MOB2: variants seen among roughly 807,000 people sequenced by gnomAD.
MOB2 encodes MOB2 Mps One Binder homolog.
A neutral mutation model predicts 27.4 loss-of-function variants in MOB2; 14 were observed. The observed-to-expected ratio is 0.51, with a 90% CI of 0.34 to 0.80. The LOEUF (loss-of-function observed/expected upper bound fraction) is 0.80, where lower values mean the gene tolerates loss of function less well. Among genes scored for constraint, MOB2 ranks in the 30% least tolerant of loss-of-function variants. The probability of loss-of-function intolerance (pLI) is 0.01; values close to 1 mark genes in which losing one functional copy is unlikely to be tolerated. For synonymous variants in MOB2, 167 were observed against 151.8 expected (o/e 1.10, Z -0.74); for missense variants, 304 against 354.6 (o/e 0.86, Z 1.15).
intron 3 of MOB2, among the ~76,000 whole-genome samples, chr11:1,478,858 C>T (rs1211745583): frequency 6.6e-6 from 1 of 152,232 alleles, no homozygotes; most frequent in Non-Finnish European, 1.5e-5. Flanking sequence ...AGAGCCCTCA[C>T]ACGACCCAGG....
chr11:1,484,606 C>T (rs1309423920), intron 1 of MOB2, among the ~76,000 whole-genome samples: 2 of 152,118 alleles, frequency 1.3e-5, no homozygotes, highest in African/African-American at 4.8e-5. Flanking sequence ...CTCCTGTCAC[C>T]CCAACATGCA....
intron 4 of MOB2, among the ~76,000 whole-genome samples, 163 bp from the exon 5 acceptor site, chr11:1,470,651 G>A (rs998163600): frequency 2.6e-5 from 4 of 152,210 alleles, no homozygotes; most frequent in African/African-American, 9.6e-5. Context: ...CTGCCCATCA[G>A]CAGGCACCAC....
At chr11:1,472,174 C>T (rs1847801095) in intron 3 of MOB2, 1 of 143,050 alleles carries the variant, frequency 7.0e-6, no homozygotes, top group Admixed American at 7.1e-5. Context: ...CCCAGCACAA[C>T]ACCAAAACCC....
chr11:1,484,355 C>T (rs993486669), intron 1 of MOB2, among the ~76,000 whole-genome samples: 14 of 152,118 alleles, frequency 9.2e-5, no homozygotes, highest in Non-Finnish European at 1.8e-4. Context: ...GAGAAAGGCC[C>T]GCAGGTGACG....
intron 3 of MOB2, among the ~76,000 whole-genome samples, chr11:1,476,832 C>T (rs1847857558): frequency 6.6e-6 from 1 of 152,194 alleles, no homozygotes; most frequent in Non-Finnish European, 1.5e-5. Flanking sequence ...GTTGAGGCAT[C>T]CTCTCGGACC....
chr11:1,482,475 G>C (rs1038720047), intron 1 of MOB2, among the ~76,000 whole-genome samples: 1 of 152,324 alleles, frequency 6.6e-6, no homozygotes, highest in Non-Finnish European at 1.5e-5. Context: ...CCTCTCCCAG[G>C]CTCTGGCTGT....
intron 1 of MOB2, 46 bp downstream of exon 1, chr11:1,486,401 C>CA: frequency 4.2e-6 from 6 of 1,413,768 alleles, no homozygotes; most frequent in Non-Finnish European, 5.8e-6. Context: ...ACAGGGCAGA[C>CA]AGATGTGCTA....
chr11:1,483,038 C>T (rs147438252), intron 1 of MOB2, among the ~76,000 whole-genome samples: 16 of 152,368 alleles, frequency 1.1e-4, no homozygotes, highest in Non-Finnish European at 2.1e-4. Flanking sequence ...CTCCATGGCA[C>T]TCTTCTCGTC....
intron 3 of MOB2, chr11:1,471,764 C>A: frequency 4.8e-6 from 1 of 207,088 alleles, no homozygotes; most frequent in East Asian, 1.1e-4. Flanking sequence ...TACACAAGTG[C>A]GTGCTGCTGT....
rs377184608 is a variant in MOB2, at chr11:1,480,749, G to C, written c.247C>G (p.Leu83Val). ...CTGTTGCTGGCCAGCCACTCGTTAA[G>C]GTCAATCTCGCGGGGCAGCACCACC... Reference protein sequence around the residue: ...ELVVLPREIDLNEWLASNTTT... With the variant: ...ELVVLPREIDVNEWLASNTTT... The change falls in exon 2 of 5, where the codon CTT (leucine) becomes GTT (valine). Residue 83 changes from leucine to valine, a missense_variant. Transcript: ENST00000329957. 4 of 1,606,944 alleles carry C rather than the reference G, an allele frequency of 2.5e-6. No homozygotes were observed. In the African/African-American group the frequency reaches 5.3e-5, roughly 21 times the overall value.
chr11:1,475,993 T>C (rs1534575), intron 3 of MOB2, among the ~76,000 whole-genome samples: 139,813 of 152,288 alleles, frequency 0.92, 64,339 homozygotes, highest in East Asian at 1. Context: ...GGCCGCCTCA[T>C]GTCACATAAG....
chr11:1,471,469 C>T, intron 3 of MOB2, 50 bp from the exon 4 acceptor site: 1 of 1,571,952 alleles, frequency 6.4e-7, no homozygotes, highest in East Asian at 2.3e-5. Flanking sequence ...CACACCCACC[C>T]AGCCACTGGG....
At chr11:1,481,789 G>A (rs1847918804) in intron 1 of MOB2, among the ~76,000 whole-genome samples, 1 of 151,944 alleles carries the variant, frequency 6.6e-6, no homozygotes, top group South Asian at 2.1e-4. Flanking sequence ...GGGCCCCTGG[G>A]CCCTGGCACT....
intron 3 of MOB2, among the ~76,000 whole-genome samples, chr11:1,478,178 ACAGCCCCACCG>A (rs1296586906): frequency 1.7e-4 from 24 of 145,428 alleles, no homozygotes; most frequent in African/African-American, 6.8e-4. Context: ...CACAGCCGCC[ACAGCCCCACCG>A]CCACCACAGG....
chr11:1,473,259 G>A (rs1847815491), intron 3 of MOB2: 1 of 152,366 alleles, frequency 6.6e-6, no homozygotes, highest in Non-Finnish European at 1.5e-5. Context: ...GGACAGCTCT[G>A]CATGACCTTC....
rs978693751 is a variant in MOB2 at position 1,480,949 on chromosome 11, G to A, written c.111-64C>T. ...CATCAGACCCAGGGTCTGCCCGGGG[G>A]GTCAGTTGTGGCCAGCGCAGGTGTA... On this transcript the variant is annotated intron_variant, in intron 1 of 4. Transcript: ENST00000329957. 1.6e-5 allele frequency: 25 copies of A among 1,529,986 alleles called. No homozygotes were observed. The African/African-American group carries it at 2.6e-4, about 16-fold the overall frequency. 94.8% of individuals were successfully genotyped at this position (1,529,986 alleles called of 1,614,324 possible).
chr11:1,478,037 A>T (rs1414464192), intron 3 of MOB2, among the ~76,000 whole-genome samples: 1 of 152,200 alleles, frequency 6.6e-6, no homozygotes, highest in Non-Finnish European at 1.5e-5. Flanking sequence ...CTCTTCACAT[A>T]AGCTCTGCAA....
At chr11:1,472,532 A>G (rs7103253) in intron 3 of MOB2, 140,257 of 152,906 alleles carry the variant, frequency 0.92, 64,491 homozygotes, top group East Asian at 1. Flanking sequence ...CTAGACCAAC[A>G]GGCAGTCTGC....
rs1203329269 is a variant in MOB2 at position 1,469,644 on chromosome 11, G to A, written c.*528C>T. 5 of 456,982 alleles carry A rather than the reference G, an allele frequency of 1.1e-5. No individual in the cohort carries two copies. Among genetic ancestry groups the A allele is most frequent in the Admixed American group, 2.3e-5 (1 of 42,574 alleles). 28.3% of individuals were successfully genotyped at this position (456,982 alleles called of 1,614,324 possible). ...GAAGGGGTGACAGGAGCAGGAGCAG[G>A]TGCAGGGCACCTCACACCACAGGCC... On this transcript the variant is annotated 3_prime_UTR_variant, in exon 5 of 5. Coordinates refer to ENST00000329957, the MANE Select transcript of MOB2 (RefSeq NM_001172223.3).
Sources: gnomAD v4.1 joint callset for allele counts (sites outside exome capture counted in the v4.1 genomes callset) on GRCh38, gnomAD v4.1.1 for gene constraint, MANE v1.5 for transcripts, NCBI Gene and HGNC (gene_info 2026-07-23, HGNC 2026-07-21) for gene names.